DIAPH2: variants seen among roughly 807,000 people sequenced by gnomAD.
DIAPH2 encodes protein diaphanous homolog 2.
A neutral mutation model predicts 92.7 loss-of-function variants in DIAPH2; 35 were observed. That is an observed-to-expected ratio of 0.38 (90% CI 0.29 to 0.50). DIAPH2 has a LOEUF of 0.50. DIAPH2 is among the 20% of genes least tolerant of loss of function. The probability of loss-of-function intolerance (pLI) is 0.94; values close to 1 mark genes in which losing one functional copy is unlikely to be tolerated. For synonymous variants in DIAPH2, 301 were observed against 280.4 expected, an observed-to-expected ratio of 1.07 and a Z score of -0.73; for missense variants, 701 against 819.5, an observed-to-expected ratio of 0.86 and a Z score of 1.77.
intron 23 of DIAPH2, among the ~76,000 whole-genome samples, chrX:97,329,928 ACACACACACC>A (rs1452884621): frequency 2.6e-5 from 2 of 76,843 alleles, no homozygotes; most frequent in Non-Finnish European, 6.0e-5. Context: ...ACACACACAC[ACACACACACC>A]CCACATGCTT....
intron 25 of DIAPH2, among the ~76,000 whole-genome samples, chrX:97,409,105 T>A (rs944594689): frequency 8.9e-6 from 1 of 112,078 alleles, no homozygotes; most frequent in Non-Finnish European, 1.9e-5. Flanking sequence ...AAACTCTGAT[T>A]ATGAAATATT....
rs751926492 is a variant in DIAPH2 at position 97,131,506 on chromosome X, G to A, written c.2590-10159G>A. Among the ~76,000 whole-genome samples the A allele has an allele frequency of 1.4e-4, 16 of 111,641 alleles. No homozygotes were observed. In the South Asian group the frequency reaches 4.9e-3, roughly 34 times the overall value. On this transcript the variant is annotated intron_variant, in intron 21 of 26. Coordinates refer to ENST00000324765, the MANE Select transcript of DIAPH2 (RefSeq NM_006729.5). Reference sequence around the variant, plus strand: ...TACAGTGTATAGACAGAGCGAATGAGTCCTATGGACTCTTTTGGTGCTAGT... The same window carrying A: ...TACAGTGTATAGACAGAGCGAATGAATCCTATGGACTCTTTTGGTGCTAGT...
At chrX:96,912,959 ATT>A (rs767191334) in intron 7 of DIAPH2, among the ~76,000 whole-genome samples, 2 of 103,991 alleles carry the variant, frequency 1.9e-5, no homozygotes, top group African/African-American at 3.5e-5. Flanking sequence ...AGTTTTCTCG[ATT>A]TTTTTTTTTT....
chrX:97,508,799 G>C (rs1187441662), intron 26 of DIAPH2, among the ~76,000 whole-genome samples: 3 of 111,323 alleles, frequency 2.7e-5, no homozygotes, highest in Non-Finnish European at 5.7e-5. Context: ...AGCAACATTT[G>C]TTAAATCTGA....
At chrX:97,477,652 G>A (rs2070621472) in intron 26 of DIAPH2, among the ~76,000 whole-genome samples, 1 of 110,696 alleles carries the variant, frequency 9.0e-6, no homozygotes, top group African/African-American at 3.3e-5. Flanking sequence ...GTGTGTGTGT[G>A]TATACATGTA....
chrX:96,869,703 G>A (rs1199192769), intron 4 of DIAPH2, among the ~76,000 whole-genome samples: 2 of 110,242 alleles, frequency 1.8e-5, no homozygotes, highest in African/African-American at 6.6e-5. Context: ...TTCATAACAT[G>A]AGCAGTCAAC....
At chrX:97,274,006 GGTGT>G (rs55778849) in intron 23 of DIAPH2, among the ~76,000 whole-genome samples, 29,433 of 86,396 alleles carry the variant, frequency 0.34, 4,212 homozygotes, top group Middle Eastern at 0.41. Context: ...TAAAACTAGC[GGTGT>G]GTGTGTGTGT....
intron 1 of DIAPH2, among the ~76,000 whole-genome samples, chrX:96,732,694 A>G (rs1450914294): frequency 1.8e-5 from 2 of 112,249 alleles, no homozygotes; most frequent in Non-Finnish European, 3.8e-5. Flanking sequence ...TCAGGAAAAA[A>G]GAAAATTCTT....
chrX:96,854,637 A>C (rs1195253079), intron 4 of DIAPH2, among the ~76,000 whole-genome samples: 1 of 83,855 alleles, frequency 1.2e-5, no homozygotes, highest in East Asian at 3.9e-4. Context: ...ATATATATAT[A>C]TATATCCATC....
chrX:96,905,209 TG>T lies in DIAPH2; in HGVS notation c.588-7117del, dbSNP rs755477015. On this transcript the variant is annotated intron_variant, in intron 5 of 26. Coordinates refer to ENST00000324765, the MANE Select transcript of DIAPH2 (RefSeq NM_006729.5). ...AACTCTTTTGAAAGAGATGTTAATT[TG>T]GATAATCTAATCATTGATGGACATG... is the stretch of plus-strand genomic sequence containing the variant. Among the ~76,000 whole-genome samples the T allele has an allele frequency of 1.0e-3, 114 of 112,209 alleles. 1 individual carries two copies. The highest frequency in any genetic ancestry group is 3.3e-3 in the African/African-American group (103 of 30,980).
intron 19 of DIAPH2, among the ~76,000 whole-genome samples, chrX:97,090,000 T>C (rs188222612): frequency 1.5e-4 from 17 of 112,424 alleles, no homozygotes; most frequent in Middle Eastern, 4.7e-3. Flanking sequence ...AGTGCTGGGA[T>C]TACAGGCGTG....
In DIAPH2 at chrX:97,101,525, G is replaced by A. The variant is rs750928532; in HGVS notation, c.2349+1730G>A. Among the ~76,000 whole-genome samples the A allele has an allele frequency of 1.7e-4, 19 of 110,674 alleles. No individual in the cohort carries two copies. The East Asian group carries it at 5.4e-3, about 32-fold the overall frequency. ...TTAGCTACATGTCTGGGGGTGGGGGGCGGAAAGTCAAGGACATTACAAACT... is the reference window on the plus strand; with the variant it reads ...TTAGCTACATGTCTGGGGGTGGGGGACGGAAAGTCAAGGACATTACAAACT... On this transcript the variant is annotated intron_variant, in intron 20 of 26. Transcript: ENST00000324765.
At chrX:96,709,153 C>T (rs2063903933) in intron 1 of DIAPH2, among the ~76,000 whole-genome samples, 3 of 112,338 alleles carry the variant, frequency 2.7e-5, no homozygotes, top group Middle Eastern at 4.6e-3. Context: ...TGATGAATAT[C>T]ATTAAAAGCA....
At chrX:96,737,984 A>G (rs1333410451) in intron 2 of DIAPH2, among the ~76,000 whole-genome samples, 1 of 111,507 alleles carries the variant, frequency 9.0e-6, no homozygotes, top group East Asian at 2.8e-4. Context: ...CATTATCCCT[A>G]TTTCAGAGAT....
chrX:97,322,499 T>C (rs2068906770), intron 23 of DIAPH2, among the ~76,000 whole-genome samples: 1 of 111,383 alleles, frequency 9.0e-6, no homozygotes, highest in Non-Finnish European at 1.9e-5. Context: ...TTTATAACCA[T>C]TCATCTCTGT....
intron 1 of DIAPH2, among the ~76,000 whole-genome samples, chrX:96,732,216 A>G (rs967474728): frequency 8.9e-6 from 1 of 111,777 alleles, no homozygotes; most frequent in African/African-American, 3.2e-5. Flanking sequence ...GTCCTTTTAT[A>G]CCTTTCTTTT....
intron 25 of DIAPH2, among the ~76,000 whole-genome samples, chrX:97,400,888 T>C (rs1034724637): frequency 2.0e-4 from 22 of 109,480 alleles, no homozygotes; most frequent in Non-Finnish European, 5.7e-5. Context: ...CTTACCCACA[T>C]ATTATTCATT....
intron 22 of DIAPH2, among the ~76,000 whole-genome samples, chrX:97,201,932 C>T (rs1242815674): frequency 9.0e-6 from 1 of 111,274 alleles, no homozygotes; most frequent in Non-Finnish European, 1.9e-5. Context: ...GTTAGGTCAC[C>T]TACAAAGGGA....
intron 23 of DIAPH2, among the ~76,000 whole-genome samples, chrX:97,291,347 G>T (rs1057393261): frequency 5.4e-5 from 6 of 110,626 alleles, no homozygotes; most frequent in Admixed American, 9.7e-5. Context: ...GTGGTGAGCC[G>T]AGATCGCACC....
Sources: gnomAD v4.1 joint callset for allele counts (sites outside exome capture counted in the v4.1 genomes callset) on GRCh38, gnomAD v4.1.1 for gene constraint, MANE v1.5 for transcripts, NCBI Gene and HGNC (gene_info 2026-07-23, HGNC 2026-07-21) for gene names.